RSPH14: variants seen among roughly 807,000 people sequenced by gnomAD.
RSPH14 encodes the protein rhabdoid tumor deletion region gene 1.
Under a neutral mutation model 26.7 loss-of-function variants are expected in RSPH14, and 20 were observed. The observed-to-expected ratio is 0.75, with a 90% CI of 0.53 to 1.09. The LOEUF is 1.09. Among genes scored for constraint, RSPH14 ranks in the 50% least tolerant of loss-of-function variants. The pLI is 0.00. For synonymous variants in RSPH14, 177 were observed against 189.3 expected, an observed-to-expected ratio of 0.93 and a Z score of 0.53; for missense variants, 449 against 457.2, an observed-to-expected ratio of 0.98 and a Z score of 0.16.
At chr22:23,148,749 T>C (rs1354263482), upstream of RSPH14, among the ~76,000 whole-genome samples, 1 of 152,196 alleles carries the variant, frequency 6.6e-6, no homozygotes, top group African/African-American at 2.4e-5. Flanking sequence ...CTTCTTACCC[T>C]GCAGCCTTCA....
chr22:23,105,518 A>G (rs1036367071), intron 4 of RSPH14, among the ~76,000 whole-genome samples: 1 of 152,226 alleles, frequency 6.6e-6, no homozygotes, highest in Non-Finnish European at 1.5e-5. Context: ...CTGCAGTGCC[A>G]GCGGCTAGGA....
At chr22:23,166,897 A>G in the RSPH14 span, among the ~76,000 whole-genome samples, 2 of 152,102 alleles carry the variant, frequency 1.3e-5, no homozygotes, top group Non-Finnish European at 2.9e-5. Flanking sequence ...CTGGGGGAGT[A>G]GCAAGAGGCC....
the RSPH14 span, among the ~76,000 whole-genome samples, chr22:23,171,534 T>A: frequency 1.9e-3 from 282 of 152,228 alleles, 2 homozygotes; most frequent in African/African-American, 6.5e-3. Context: ...TGTATACATG[T>A]ACATACACAT....
At chr22:23,113,094 C>T (rs889371900) in intron 4 of RSPH14, among the ~76,000 whole-genome samples, 2 of 152,142 alleles carry the variant, frequency 1.3e-5, no homozygotes, top group African/African-American at 4.8e-5. Context: ...CCTGCCCCTG[C>T]GGCTGACCCT....
intron 4 of RSPH14, among the ~76,000 whole-genome samples, chr22:23,120,638 C>G (rs1277863671): frequency 6.6e-6 from 1 of 152,124 alleles, no homozygotes; most frequent in African/African-American, 2.4e-5. Flanking sequence ...CAGACCCAGG[C>G]CTAGCACCCA....
intron 4 of RSPH14, among the ~76,000 whole-genome samples, chr22:23,129,252 T>C (rs984245669): frequency 5.3e-5 from 8 of 152,268 alleles, no homozygotes; most frequent in Admixed American, 2.6e-4. Flanking sequence ...CCTTCCTCCC[T>C]CTGCTCATTG....
intron 4 of RSPH14, among the ~76,000 whole-genome samples, chr22:23,129,367 C>G (rs1454969488): frequency 6.6e-6 from 1 of 152,166 alleles, no homozygotes; most frequent in East Asian, 1.9e-4. Flanking sequence ...CGAGGCTCCC[C>G]ACCCTGACCC....
chr22:23,148,249 T>A (rs2070915050), upstream of RSPH14, among the ~76,000 whole-genome samples: 1 of 152,090 alleles, frequency 6.6e-6, no homozygotes, highest in Non-Finnish European at 1.5e-5. Context: ...TCCCCATGGG[T>A]TTTCCATCTC....
At chr22:23,111,162 G>GGCCTCA (rs1280439121) in intron 4 of RSPH14, among the ~76,000 whole-genome samples, 6 of 152,162 alleles carry the variant, frequency 3.9e-5, no homozygotes, top group African/African-American at 1.4e-4. Flanking sequence ...GCCGGGGAGT[G>GGCCTCA]GCCTCACTGT....
intron 3 of RSPH14, among the ~76,000 whole-genome samples, chr22:23,135,204 T>C (rs1601861507): frequency 1.3e-5 from 2 of 151,100 alleles, no homozygotes; most frequent in South Asian, 4.2e-4. Context: ...CCAGGCGCGG[T>C]GGCTCACGCC....
upstream of RSPH14, chr22:23,146,693 G>A: frequency 1.2e-6 from 2 of 1,613,618 alleles, no homozygotes; most frequent in Non-Finnish European, 1.7e-6. Flanking sequence ...AAGGTAGAGA[G>A]TCATTACGTC....
At chr22:23,095,881 C>A (rs1162115413) in intron 4 of RSPH14, 1 of 1,613,732 alleles carries the variant, frequency 6.2e-7, no homozygotes. Flanking sequence ...GCGGCTTCAA[C>A]CTGGAGGCCT....
upstream of RSPH14, chr22:23,145,321 C>T (rs201259585): frequency 6.4e-7 from 1 of 1,560,054 alleles, no homozygotes; most frequent in Admixed American, 1.7e-5. Context: ...CCAGGAGTCT[C>T]TCTGCTGCCA....
intron 5 of RSPH14, 99 bp from the exon 6 acceptor site, chr22:23,062,044 G>T: frequency 7.0e-7 from 1 of 1,427,180 alleles, no homozygotes; most frequent in Non-Finnish European, 9.6e-7. Flanking sequence ...ATAATTGTGT[G>T]GGGGCTACCC....
chr22:23,139,803 T>C (rs2070557739), intron 2 of RSPH14, among the ~76,000 whole-genome samples: 1 of 152,090 alleles, frequency 6.6e-6, no homozygotes, highest in South Asian at 2.1e-4. Context: ...GGCTCACACA[T>C]ATAATCCCAA....
At chr22:23,146,668 A>G (rs767122131), upstream of RSPH14, 1 of 1,613,878 alleles carries the variant, frequency 6.2e-7, no homozygotes. Context: ...CGACCGTGTC[A>G]TCGCCAGCTT....
In RSPH14 at chr22:23,113,971, C is replaced by A. The variant is rs766482713; in HGVS notation, c.421+20055G>T. 1.8e-4 allele frequency among the ~76,000 whole-genome samples: 28 copies of A among 152,238 alleles called. 1 individual carries two copies. Among genetic ancestry groups the A allele is most frequent in the Non-Finnish European group, 3.4e-4 (23 of 68,032 alleles). On this transcript the variant is annotated intron_variant, in intron 4 of 6. Transcript: ENST00000216036. ...CACCCTGCCCAGCAGACAGGCAGCC[C>A]CACCAAGGTGTCCCCAAGCTTCCAC...
At chr22:23,078,756 G>A (rs1051075857) in intron 4 of RSPH14, among the ~76,000 whole-genome samples, 3 of 152,234 alleles carry the variant, frequency 2.0e-5, no homozygotes, top group Admixed American at 1.3e-4. Flanking sequence ...GGGGGCTGAG[G>A]GGCCATGCAA....
chr22:23,090,647 C>T (rs1476238348), intron 4 of RSPH14, among the ~76,000 whole-genome samples: 3 of 152,210 alleles, frequency 2.0e-5, no homozygotes, highest in Non-Finnish European at 4.4e-5. Flanking sequence ...GTTCCCTCAT[C>T]CCTGATGCCT....
Sources: allele counts gnomAD v4.1 joint callset (sites outside exome capture counted in the v4.1 genomes callset), GRCh38; gene constraint gnomAD v4.1.1; transcripts MANE v1.5; gene names NCBI Gene and HGNC (gene_info 2026-07-23, HGNC 2026-07-21).